The following TF variants were observed in gnomAD, a reference collection of about 807,000 sequenced individuals.
TF encodes serotransferrin.
TF carries 55 observed loss-of-function variants against 82.4 expected under a neutral mutation model. That is an observed-to-expected ratio of 0.67 (90% CI 0.54 to 0.84). The LOEUF (loss-of-function observed/expected upper bound fraction) is 0.84, where lower values mean the gene tolerates loss of function less well. Ranked by LOEUF, TF falls within the 40% of genes least tolerant of loss-of-function variation. The pLI, the probability that TF is intolerant of heterozygous loss-of-function variation, is 0.00. For synonymous variants in TF, 332 were observed against 332.6 expected, an observed-to-expected ratio of 1.00 and a Z score of 0.02; for missense variants, 737 against 868.4, an observed-to-expected ratio of 0.85 and a Z score of 1.90.
intron 12 of TF, 123 bp downstream of exon 12, chr3:133,766,556 C>A: frequency 7.4e-7 from 1 of 1,347,910 alleles, no homozygotes; most frequent in South Asian, 1.3e-5. Context: ...AGAATTTGGT[C>A]AAAGAACAGT....
the TF span, among the ~76,000 whole-genome samples, chr3:133,737,814 G>C: frequency 2.0e-5 from 3 of 152,120 alleles, no homozygotes; most frequent in South Asian, 2.1e-4. Context: ...AATAGAAGCA[G>C]TAATTAATAG....
At chr3:133,706,808 C>T in the TF span, among the ~76,000 whole-genome samples, 2 of 152,188 alleles carry the variant, frequency 1.3e-5, no homozygotes. Context: ...ACAAAGGCCA[C>T]TGGAGTGCAA....
chr3:133,689,682 T>C, the TF span, among the ~76,000 whole-genome samples: 2 of 152,154 alleles, frequency 1.3e-5, no homozygotes, highest in South Asian at 4.1e-4. Context: ...CTGGCACATA[T>C]ATAGAAGACC....
intron 14 of TF, among the ~76,000 whole-genome samples, chr3:133,771,756 A>AAAAAAAAAAAAAAAAAG (rs1934265486): frequency 1.3e-5 from 2 of 149,688 alleles, no homozygotes; most frequent in African/African-American, 5.0e-5. Flanking sequence ...AAAAAAAAAA[A>AAAAAAAAAAAAAAAAAG]AAAAAAAAAA....
the TF span, among the ~76,000 whole-genome samples, chr3:133,704,061 A>G: frequency 1.3e-5 from 2 of 152,334 alleles, no homozygotes; most frequent in East Asian, 3.9e-4. Context: ...GGCCAAGAGC[A>G]TGTCCAGTTT....
intron 9 of TF, among the ~76,000 whole-genome samples, chr3:133,763,225 G>A (rs1255163811): frequency 6.6e-6 from 1 of 151,942 alleles, no homozygotes; most frequent in Non-Finnish European, 1.5e-5. Flanking sequence ...GCTGTTGGGG[G>A]GTGCTTTTTA....
At chr3:133,699,985 T>G in the TF span, 1 of 178,696 alleles carries the variant, frequency 5.6e-6, no homozygotes, top group African/African-American at 2.4e-5. Flanking sequence ...CCTGCCCTCC[T>G]GACAACTCTG....
the TF span, among the ~76,000 whole-genome samples, chr3:133,687,232 T>C: frequency 2.6e-5 from 4 of 152,080 alleles, no homozygotes; most frequent in South Asian, 2.1e-4. Flanking sequence ...CATTAGGAGA[T>C]ATACCTAATG....
chr3:133,760,301 T>C (rs1933962025), intron 9 of TF: 1 of 152,480 alleles, frequency 6.6e-6, no homozygotes, highest in Non-Finnish European at 1.5e-5. Context: ...TGAGCACTTA[T>C]GAATAACCAT....
At chr3:133,705,189 G>T in the TF span, among the ~76,000 whole-genome samples, 1 of 151,822 alleles carries the variant, frequency 6.6e-6, no homozygotes, top group Non-Finnish European at 1.5e-5. Context: ...CAGGAGAATC[G>T]CTTGAACCTG....
At chr3:133,777,560 C>A in intron 16 of TF, 1 of 258,528 alleles carries the variant, frequency 3.9e-6, no homozygotes, top group Non-Finnish European at 7.5e-6. Flanking sequence ...TTGCCTTGTC[C>A]AATATGGTAG....
At chr3:133,711,538 C>A in the TF span, among the ~76,000 whole-genome samples, 2 of 152,136 alleles carry the variant, frequency 1.3e-5, no homozygotes, top group African/African-American at 4.8e-5. Flanking sequence ...AAGCCTCATC[C>A]TCCGCATAGC....
At chr3:133,775,117 G>A (rs1290192558) in intron 14 of TF, 3 of 417,018 alleles carry the variant, frequency 7.2e-6, no homozygotes, top group Non-Finnish European at 1.4e-5. Context: ...GGAGCAAGAG[G>A]TACAGAAGGA....
the TF span, among the ~76,000 whole-genome samples, chr3:133,727,172 A>G: frequency 2.0e-5 from 3 of 152,170 alleles, no homozygotes. Context: ...CTATTAGATC[A>G]GCTTGGTGTA....
chr3:133,670,131 C>T, the TF span, among the ~76,000 whole-genome samples: 1 of 152,300 alleles, frequency 6.6e-6, no homozygotes, highest in Admixed American at 6.5e-5. Context: ...TGGAAGCAGG[C>T]TGCCTAGTTT....
At chr3:133,742,214 T>G, upstream of TF, among the ~76,000 whole-genome samples, 1 of 152,092 alleles carries the variant, frequency 6.6e-6, no homozygotes, top group Non-Finnish European at 1.5e-5. Flanking sequence ...ACTCGTGAGC[T>G]CAAGCAATCC....
rs1934562121 is a variant in TF, at chr3:133,783,286, C to A, written c.*4666C>A. On this transcript the variant is annotated 3_prime_UTR_variant, in exon 17 of 17. Transcript: ENST00000402696. ...GAAATAATGAAGCAGAATAAAAGTT[C>A]CAGATATTAAATGCAAATGAGAATT... The A allele has an allele frequency of 6.6e-6, 1 of 151,956 alleles. No homozygotes were observed. 9.4% of individuals were successfully genotyped at this position (151,956 alleles called of 1,614,324 possible). A position where few individuals can be genotyped will look rare whatever the true frequency, so the allele number is the denominator to read the frequency against.
chr3:133,759,141 C>T (rs959553093), intron 8 of TF, 34 bp from the exon 9 acceptor site: 5 of 1,613,620 alleles, frequency 3.1e-6, no homozygotes, highest in African/African-American at 1.3e-5. Flanking sequence ...CAGCTAGGGC[C>T]GCTTCTGATC....
At chr3:133,747,599 G>A (rs1201981861) in intron 1 of TF, among the ~76,000 whole-genome samples, 1 of 152,202 alleles carries the variant, frequency 6.6e-6, no homozygotes, top group East Asian at 1.9e-4. Context: ...TGCTGTCTCT[G>A]CAACCACATG....
Sources: gnomAD v4.1 joint callset for allele counts (sites outside exome capture counted in the v4.1 genomes callset) on GRCh38, gnomAD v4.1.1 for gene constraint, MANE v1.5 for transcripts, NCBI Gene and HGNC (gene_info 2026-07-23, HGNC 2026-07-21) for gene names.